The following WSB2 variants were observed in gnomAD, a reference collection of about 807,000 sequenced individuals.
The protein encoded by WSB2 is WD repeat and SOCS box containing 2.
In WSB2, 12 loss-of-function variants were observed where a neutral mutation model predicts 48.8. The observed-to-expected ratio is 0.25, with a 90% CI of 0.16 to 0.40. The LOEUF (loss-of-function observed/expected upper bound fraction) is 0.40, where lower values mean the gene tolerates loss of function less well. Among genes scored for constraint, WSB2 ranks in the 10% least tolerant of loss-of-function variants. The pLI is 1.00. For synonymous variants in WSB2, 191 were observed against 203.1 expected, an observed-to-expected ratio of 0.94 and a Z score of 0.51; for missense variants, 317 against 506.2, an observed-to-expected ratio of 0.63 and a Z score of 3.59.
intron 1 of WSB2, among the ~76,000 whole-genome samples, chr12:118,059,885 A>G (rs897049330): frequency 7.9e-5 from 12 of 152,190 alleles, no homozygotes. Context: ...TCATTTCCTA[A>G]ATTAAAAAGT....
At position 118,060,690 on chromosome 12, in the gene WSB2, C is replaced by A. The variant is rs1341609809; in HGVS notation, c.13+346G>T. 6.6e-6 allele frequency among the ~76,000 whole-genome samples: 1 copy of A among 152,056 alleles called. No individual in the cohort carries two copies. The highest frequency in any genetic ancestry group is 1.5e-5 in the Non-Finnish European group (1 of 67,980). ...CACCTGGGTACCCAGGGGCACCCAC[C>A]CCCTTGGGGATCTCCGTTTTAGGGC... is the stretch of plus-strand genomic sequence containing the variant. On this transcript the variant is annotated intron_variant, in intron 1 of 8. Transcript: ENST00000315436. This position sits in a 1 kb window ranked among gnomAD's most constrained non-coding sequence, Gnocchi z 4.1.
intron 1 of WSB2, among the ~76,000 whole-genome samples, chr12:118,054,600 G>A (rs1024062469): frequency 6.6e-6 from 1 of 151,862 alleles, no homozygotes; most frequent in African/African-American, 2.4e-5. Flanking sequence ...AACCCGGGAG[G>A]CGGAAGGCAG....
At chr12:118,043,593 T>G (rs1355708244) in intron 2 of WSB2, among the ~76,000 whole-genome samples, 1 of 152,166 alleles carries the variant, frequency 6.6e-6, no homozygotes, top group East Asian at 1.9e-4. Context: ...GACAGGCATG[T>G]GCCATTAGGC....
intron 2 of WSB2, among the ~76,000 whole-genome samples, chr12:118,045,784 A>G (rs995586078): frequency 6.6e-6 from 1 of 151,826 alleles, no homozygotes; most frequent in Non-Finnish European, 1.5e-5. Flanking sequence ...CACAGTCATC[A>G]TGCCATACAA....
intron 8 of WSB2, 196 bp downstream of exon 8, chr12:118,034,790 T>A (rs2031468058): frequency 1.7e-6 from 1 of 590,020 alleles, no homozygotes; most frequent in African/African-American, 1.9e-5. Context: ...GATCTTTAAT[T>A]ACATTTAGGT....
chr12:118,040,437 C>T (rs1266040552), intron 4 of WSB2, among the ~76,000 whole-genome samples: 1 of 152,054 alleles, frequency 6.6e-6, no homozygotes, highest in African/African-American at 2.4e-5. Context: ...TGGCAAGCTG[C>T]CTCAGTACAC....
At chr12:118,053,823 T>C (rs1208401757) in intron 1 of WSB2, among the ~76,000 whole-genome samples, 1 of 152,140 alleles carries the variant, frequency 6.6e-6, no homozygotes, top group South Asian at 2.1e-4. Flanking sequence ...ACAAGGAATG[T>C]GGAATGTGGA....
chr12:118,051,864 C>T lies in WSB2; in HGVS notation c.182+446G>A, dbSNP rs148572352. 2.8e-3 allele frequency among the ~76,000 whole-genome samples: 426 copies of T among 152,274 alleles called. 1 individual carries two copies. The highest frequency in any genetic ancestry group is 4.9e-3 in the Non-Finnish European group (336 of 68,020). On this transcript the variant is annotated intron_variant, in intron 2 of 8. Transcript: ENST00000315436. ...TGGTGTGTGCCTGTAATCCCAGCTA[C>T]TCAGGAGGCTGAGGCAGGAGAATCG... is the stretch of plus-strand genomic sequence containing the variant.
chr12:118,058,386 T>A (rs1431892906), intron 1 of WSB2, among the ~76,000 whole-genome samples: 1 of 152,040 alleles, frequency 6.6e-6, no homozygotes, highest in Admixed American at 6.6e-5. Flanking sequence ...CTTGCTCTGT[T>A]GCCCAGGCTG....
Position 118,039,930 on chromosome 12 carries a change from G to A in WSB2, c.560-1542C>T, listed in dbSNP as rs190139240. Among the ~76,000 whole-genome samples, 19 of 151,976 alleles carry A rather than the reference G, an allele frequency of 1.3e-4. No individual in the cohort carries two copies. The East Asian group carries it at 3.3e-3, about 26-fold the overall frequency. ...TGCTAATTTTTACATATTTTTAGTA[G>A]AGCCGGAGTTTCACCATGTTGGCTA... On this transcript the variant is annotated intron_variant, in intron 4 of 8. Coordinates refer to ENST00000315436, the MANE Select transcript of WSB2 (RefSeq NM_018639.5).
At chr12:118,045,158 C>G (rs918986090) in intron 2 of WSB2, among the ~76,000 whole-genome samples, 1 of 151,618 alleles carries the variant, frequency 6.6e-6, no homozygotes, top group Non-Finnish European at 1.5e-5. Flanking sequence ...GGGCAGATCA[C>G]GAGGTCAGGA....
chr12:118,055,075 T>C (rs2031931345), intron 1 of WSB2, among the ~76,000 whole-genome samples: 1 of 151,096 alleles, frequency 6.6e-6, no homozygotes, highest in African/African-American at 2.4e-5. Flanking sequence ...TCTGAGTAAA[T>C]AGCTATTTGT....
Position 118,043,419 on chromosome 12 carries a change from C to T in WSB2, c.183-42G>A. 2.6e-6 allele frequency: 4 copies of T among 1,517,916 alleles called. No individual in the cohort carries two copies. The South Asian group carries it at 5.3e-5, about 20-fold the overall frequency. The allele number at this position is 1,517,916 out of a possible 1,614,324, so 94.0% of individuals were successfully genotyped here. A position where few individuals can be genotyped will look rare whatever the true frequency, so the allele number is the denominator to read the frequency against. ...TTTCTTAATGAATCTGCAATTGTTA[C>T]CAGTCTATCAACTTTTCATCCTGGG... On this transcript the variant is annotated intron_variant, in intron 2 of 8. Transcript: ENST00000315436.
intron 2 of WSB2, among the ~76,000 whole-genome samples, chr12:118,049,486 C>T (rs1566140759): frequency 6.6e-6 from 1 of 152,028 alleles, no homozygotes. Flanking sequence ...ACTGCAACCT[C>T]CGCCTCCCAG....
chr12:118,048,818 GA>G (rs541620234), intron 2 of WSB2, among the ~76,000 whole-genome samples: 11 of 150,970 alleles, frequency 7.3e-5, no homozygotes, highest in African/African-American at 1.5e-4. Flanking sequence ...ATAGGATTCA[GA>G]AAAAAAAATT....
At chr12:118,054,683 ATAAT>A (rs1337460422) in intron 1 of WSB2, among the ~76,000 whole-genome samples, 1 of 96,246 alleles carries the variant, frequency 1.0e-5, no homozygotes, top group African/African-American at 4.5e-5. Context: ...GTCTCAAAAA[ATAAT>A]AATAATAATA....
At chr12:118,057,436 G>A (rs899012144) in intron 1 of WSB2, among the ~76,000 whole-genome samples, 3 of 151,880 alleles carry the variant, frequency 2.0e-5, no homozygotes, top group African/African-American at 7.3e-5. Flanking sequence ...CACCACACCT[G>A]GCTAATTTTT....
intron 2 of WSB2, among the ~76,000 whole-genome samples, chr12:118,049,311 C>T (rs2031804755): frequency 6.6e-6 from 1 of 152,162 alleles, no homozygotes; most frequent in Non-Finnish European, 1.5e-5. Context: ...ACCATCCTCT[C>T]ATCCCTGGAT....
Position 118,060,983 on chromosome 12 carries a change from A to C in WSB2, c.13+53T>G. ...GGGGTCGCCTCCCCCCTCCCCGGGG[A>C]GAACGGGCCAGGGCCCCGCCGGGCG... On this transcript the variant is annotated intron_variant, in intron 1 of 8. Transcript: ENST00000315436. This position sits in a 1 kb window ranked among gnomAD's most constrained non-coding sequence, Gnocchi z 4.1. 3.5e-5 allele frequency: 17 copies of C among 483,004 alleles called. No individual in the cohort carries two copies. The highest frequency in any genetic ancestry group is 9.1e-5 in the South Asian group (1 of 11,022). 29.9% of individuals were successfully genotyped at this position (483,004 alleles called of 1,614,324 possible). A position where few individuals can be genotyped will look rare whatever the true frequency, so the allele number is the denominator to read the frequency against.
Sources: gnomAD v4.1 joint callset for allele counts (sites outside exome capture counted in the v4.1 genomes callset) on GRCh38, gnomAD v4.1.1 for gene constraint, Gnocchi (gnomAD v3.1) non-coding constraint, MANE v1.5 for transcripts, NCBI Gene and HGNC (gene_info 2026-07-23, HGNC 2026-07-21) for gene names.